The following DPYD variants were observed in gnomAD, a reference collection of about 807,000 sequenced individuals.
DPYD encodes dihydropyrimidine dehydrogenase, also known as dihydropyrimidine dehydrogenase [NADP(+)].
Under a neutral mutation model 116.2 loss-of-function variants are expected in DPYD, and 109 were observed. That is an observed-to-expected ratio of 0.94 (90% confidence interval 0.80 to 1.10). The LOEUF (loss-of-function observed/expected upper bound fraction) is 1.10, where lower values mean the gene tolerates loss of function less well. Ranked by LOEUF, DPYD falls within the 50% of genes least tolerant of loss-of-function variation. The pLI is 0.00. For synonymous variants in DPYD, 440 were observed against 432.0 expected, an observed-to-expected ratio of 1.02 and a Z score of -0.23; for missense variants, 1,302 against 1,254.5, an observed-to-expected ratio of 1.04 and a Z score of -0.57.
chr1:97,360,851 A>G (rs1423237276), intron 16 of DPYD, among the ~76,000 whole-genome samples: 1 of 152,226 alleles, frequency 6.6e-6, no homozygotes, highest in Non-Finnish European at 1.5e-5. Context: ...AAGAGAAAGC[A>G]GGAAAGATCC....
chr1:97,655,838 G>C (rs1010002998), intron 8 of DPYD, among the ~76,000 whole-genome samples: 1 of 152,086 alleles, frequency 6.6e-6, no homozygotes, highest in African/African-American at 2.4e-5. Flanking sequence ...AAATATTGAC[G>C]TTAAAGGTTC....
At chr1:97,884,365 T>A (rs183336217) in intron 1 of DPYD, among the ~76,000 whole-genome samples, 1 of 152,160 alleles carries the variant, frequency 6.6e-6, no homozygotes, top group Admixed American at 6.5e-5. Context: ...TGATTATGTG[T>A]TGAAAAGTTA....
rs180840877 is a variant in DPYD at position 97,689,583 on chromosome 1, G to A, written c.762+2134C>T. Among the ~76,000 whole-genome samples, 70 of 152,052 alleles carry A rather than the reference G, an allele frequency of 4.6e-4. 1 individual carries two copies. Among genetic ancestry groups the A allele is most frequent in the Admixed American group, 7.9e-4 (12 of 15,266 alleles). On this transcript the variant is annotated intron_variant, in intron 7 of 22. Transcript: ENST00000370192. ...AGAACTCTTACATCATATGCTACAC[G>A]GGAGTCAAACAGTATGAACCCACAA... is the stretch of plus-strand genomic sequence containing the variant.
chr1:97,894,853 G>A (rs1327528216), intron 1 of DPYD, among the ~76,000 whole-genome samples: 2 of 151,486 alleles, frequency 1.3e-5, no homozygotes, highest in Non-Finnish European at 3.0e-5. Context: ...TTAATATAAT[G>A]TGGCAAAGCA....
intron 14 of DPYD, among the ~76,000 whole-genome samples, chr1:97,407,007 T>C (rs921267108): frequency 1.3e-5 from 2 of 152,208 alleles, no homozygotes; most frequent in African/African-American, 2.4e-5. Flanking sequence ...AGCTTTTCAA[T>C]GGCACATAAA....
intron 20 of DPYD, among the ~76,000 whole-genome samples, chr1:97,118,448 C>T (rs1652155955): frequency 6.6e-6 from 1 of 151,312 alleles, no homozygotes; most frequent in Non-Finnish European, 1.5e-5. Flanking sequence ...CATTTAAAAA[C>T]ACACAGGTAG....
intron 21 of DPYD, among the ~76,000 whole-genome samples, chr1:97,084,052 C>G (rs887052797): frequency 2.0e-5 from 3 of 151,922 alleles, no homozygotes; most frequent in Non-Finnish European, 4.4e-5. Flanking sequence ...CCCACTCTAC[C>G]CTGGGCAATG....
intron 13 of DPYD, among the ~76,000 whole-genome samples, chr1:97,458,646 G>T (rs1213801128): frequency 6.6e-6 from 1 of 152,120 alleles, no homozygotes; most frequent in East Asian, 1.9e-4. Context: ...ATAAATATAG[G>T]ACCAAGAAAG....
chr1:97,408,369 T>C (rs897171357), intron 14 of DPYD, among the ~76,000 whole-genome samples: 2 of 152,202 alleles, frequency 1.3e-5, no homozygotes, highest in Non-Finnish European at 2.9e-5. Flanking sequence ...TATACACTTT[T>C]ACTAGGAAAA....
At chr1:97,211,182 T>C (rs1660009222) in intron 19 of DPYD, among the ~76,000 whole-genome samples, 2 of 152,200 alleles carry the variant, frequency 1.3e-5, no homozygotes, top group African/African-American at 4.8e-5. Flanking sequence ...CTTCCTTCAG[T>C]ATGTCAAGCT....
In DPYD at chr1:97,751,464, A is replaced by G. The variant is rs962754260; in HGVS notation, c.234-10985T>C. ...TGTGTGTGTGTGTGTGTGTGTGTAT[A>G]TATATATATATATATATATATATAT... On this transcript the variant is annotated intron_variant, in intron 3 of 22. Coordinates refer to ENST00000370192, the MANE Select transcript of DPYD (RefSeq NM_000110.4). 3.8e-3 allele frequency among the ~76,000 whole-genome samples: 180 copies of G among 47,550 alleles called. 2 individuals are homozygous for G. The highest frequency in any genetic ancestry group is 0.01 in the African/African-American group (138 of 13,638). 31.2% of individuals were successfully genotyped at this position (47,550 alleles called of 152,430 possible). A position where few individuals can be genotyped will look rare whatever the true frequency, so the allele number is the denominator to read the frequency against.
intron 19 of DPYD, among the ~76,000 whole-genome samples, chr1:97,201,153 G>T (rs548474562): frequency 6.6e-6 from 1 of 152,096 alleles, no homozygotes; most frequent in South Asian, 2.1e-4. Flanking sequence ...AAAAAGAAGC[G>T]AAGTGATTTC....
At chr1:97,150,229 C>T (rs543059569) in intron 20 of DPYD, among the ~76,000 whole-genome samples, 6 of 151,728 alleles carry the variant, frequency 4.0e-5, no homozygotes, top group Admixed American at 1.3e-4. Flanking sequence ...TCTAAGCATG[C>T]CTTTTCCTCC....
At chr1:97,114,275 T>C (rs1034237260) in intron 20 of DPYD, among the ~76,000 whole-genome samples, 1 of 152,142 alleles carries the variant, frequency 6.6e-6, no homozygotes, top group African/African-American at 2.4e-5. Context: ...GGTGTCTTTA[T>C]TGTTTCTTGA....
chr1:97,352,276 T>C (rs1422322269), intron 16 of DPYD, among the ~76,000 whole-genome samples: 1 of 152,162 alleles, frequency 6.6e-6, no homozygotes, highest in Non-Finnish European at 1.5e-5. Flanking sequence ...AACTAAGGAA[T>C]ATAAAAGATT....
chr1:97,860,076 C>T (rs1571485193), intron 2 of DPYD, among the ~76,000 whole-genome samples: 1 of 152,120 alleles, frequency 6.6e-6, no homozygotes, highest in East Asian at 1.9e-4. Flanking sequence ...GGTGCGGTGG[C>T]TCACGGCTAT....
chr1:97,718,182 T>A (rs970700940), intron 5 of DPYD, among the ~76,000 whole-genome samples: 2 of 151,938 alleles, frequency 1.3e-5, no homozygotes, highest in African/African-American at 4.8e-5. Context: ...AAGGTGGTAG[T>A]GCATTCTGGT....
At chr1:97,316,447 G>C (rs1018114974) in intron 16 of DPYD, among the ~76,000 whole-genome samples, 1 of 151,432 alleles carries the variant, frequency 6.6e-6, no homozygotes, top group African/African-American at 2.4e-5. Context: ...CCAGGAGGTG[G>C]AGGCTGCAGT....
intron 16 of DPYD, among the ~76,000 whole-genome samples, chr1:97,369,375 C>A (rs1276190324): frequency 2.0e-5 from 3 of 152,108 alleles, no homozygotes; most frequent in Non-Finnish European, 4.4e-5. Context: ...ATTATAAAGA[C>A]AACTTTAGAG....
Sources: gnomAD v4.1 joint callset for allele counts (sites outside exome capture counted in the v4.1 genomes callset) on GRCh38, gnomAD v4.1.1 for gene constraint, MANE v1.5 for transcripts, NCBI Gene and HGNC (gene_info 2026-07-23, HGNC 2026-07-21) for gene names.